Variants in AHR observed in about 807,000 individuals in gnomAD.
The protein encoded by AHR is AH-receptor.
Under a neutral mutation model 86.8 loss-of-function variants are expected in AHR, and 40 were observed. That is an observed-to-expected ratio of 0.46 (90% CI 0.36 to 0.60). The LOEUF (loss-of-function observed/expected upper bound fraction) is 0.60. Among genes scored for constraint, AHR ranks in the 20% least tolerant of loss-of-function variants. AHR has a pLI of 0.00. For synonymous variants in AHR, 398 were observed against 354.9 expected, an observed-to-expected ratio of 1.12 and a Z score of -1.37; for missense variants, 1,001 against 1,011.6, an observed-to-expected ratio of 0.99 and a Z score of 0.14.
intron 3 of AHR, among the ~76,000 whole-genome samples, chr7:17,323,101 G>T (rs1030524927): frequency 6.6e-6 from 1 of 152,022 alleles, no homozygotes; most frequent in African/African-American, 2.4e-5. Context: ...GTTAAGTAAT[G>T]CATGACTGTA....
chr7:17,332,434 G>GCCCC (rs1562480625), intron 6 of AHR, among the ~76,000 whole-genome samples: 1 of 151,746 alleles, frequency 6.6e-6, no homozygotes, highest in East Asian at 1.9e-4. Flanking sequence ...GCATGTTATT[G>GCCCC]CCCCCGCAGA....
chr7:17,324,875 G>A (rs551615415), intron 3 of AHR, among the ~76,000 whole-genome samples: 11 of 151,952 alleles, frequency 7.2e-5, no homozygotes, highest in African/African-American at 2.4e-4. Flanking sequence ...ATTTTACAAG[G>A]AATAAAAATG....
chr7:17,326,155 G>T (rs1441289097), intron 3 of AHR, among the ~76,000 whole-genome samples: 1 of 152,076 alleles, frequency 6.6e-6, no homozygotes, highest in African/African-American at 2.4e-5. Context: ...TTGTAAAACT[G>T]GAACATGGCA....
intron 2 of AHR, among the ~76,000 whole-genome samples, chr7:17,315,220 T>C (rs1408342884): frequency 6.6e-6 from 1 of 152,014 alleles, no homozygotes; most frequent in African/African-American, 2.4e-5. Context: ...TATTGTGACC[T>C]CTTTGGTTCA....
At chr7:17,308,602 A>T (rs2115352279) in intron 1 of AHR, among the ~76,000 whole-genome samples, 1 of 152,168 alleles carries the variant, frequency 6.6e-6, no homozygotes, top group South Asian at 2.1e-4. Context: ...TAAATGCAAT[A>T]TGATTAGGGG....
chr7:17,330,980 A>G, intron 6 of AHR, 94 bp downstream of exon 6: 1 of 1,364,470 alleles, frequency 7.3e-7, no homozygotes, highest in Non-Finnish European at 1.0e-6. Context: ...TCAGCAGAGA[A>G]CTATTCCCAA....
At chr7:17,317,155 C>T (rs186786666) in intron 2 of AHR, among the ~76,000 whole-genome samples, 6 of 111,938 alleles carry the variant, frequency 5.4e-5, no homozygotes, top group South Asian at 5.8e-4. Context: ...AGGGCCTTTA[C>T]GGACCTGGTA....
chr7:17,341,434 T>G (rs1183284727), intron 10 of AHR, among the ~76,000 whole-genome samples: 1 of 152,096 alleles, frequency 6.6e-6, no homozygotes, highest in Non-Finnish European at 1.5e-5. Flanking sequence ...GAATAAGGAG[T>G]TGCATGAGTA....
At chr7:17,338,178 G>A (rs981827453) in intron 9 of AHR, among the ~76,000 whole-genome samples, 10 of 144,590 alleles carry the variant, frequency 6.9e-5, no homozygotes, top group South Asian at 2.2e-4. Context: ...CAGCCTGGGC[G>A]ACAGAGCGAG....
chr7:17,333,775 A>T, intron 6 of AHR, 137 bp from the exon 7 acceptor site: 1 of 660,202 alleles, frequency 1.5e-6, no homozygotes, highest in East Asian at 2.7e-5. Context: ...AGTGAAGGAA[A>T]CTAACAGTTC....
In AHR at chr7:17,345,225, G is replaced by A. The variant is rs1389277680; in HGVS notation, c.*2161G>A. 6.6e-6 allele frequency: 1 copy of A among 151,240 alleles called. No homozygotes were observed. 9.4% of individuals were successfully genotyped at this position (151,240 alleles called of 1,614,324 possible). A position where few individuals can be genotyped will look rare whatever the true frequency, so the allele number is the denominator to read the frequency against. Reference sequence around the variant, plus strand: ...AGCTACTCAGGAGGCTGAGGCAGGAGAATAGCCTGAACCTGGGAATCGGAG... The same window carrying A: ...AGCTACTCAGGAGGCTGAGGCAGGAAAATAGCCTGAACCTGGGAATCGGAG... On this transcript the variant is annotated 3_prime_UTR_variant, in exon 11 of 11. Coordinates refer to ENST00000242057, the MANE Select transcript of AHR (RefSeq NM_001621.5).
At chr7:17,330,617 C>G (rs1353441895) in intron 5 of AHR, 139 bp from the exon 6 acceptor site, 2 of 669,716 alleles carry the variant, frequency 3.0e-6, no homozygotes, top group African/African-American at 1.8e-5. Context: ...AGTTTCTTGT[C>G]ATTAGCTCTT....
At chr7:17,327,691 G>A in intron 3 of AHR, 68 bp from the exon 4 acceptor site, 1 of 848,726 alleles carries the variant, frequency 1.2e-6, no homozygotes, top group Non-Finnish European at 1.8e-6. Context: ...AGAGATAAAA[G>A]TAATAACCTT....
intron 9 of AHR, among the ~76,000 whole-genome samples, chr7:17,338,091 C>T (rs189311131): frequency 0.018 from 2,690 of 149,684 alleles, 47 homozygotes; most frequent in Non-Finnish European, 0.024. Flanking sequence ...CCCAGCTACT[C>T]GGGAGGCTGA....
chr7:17,320,085 C>G (rs1782153413), intron 2 of AHR, among the ~76,000 whole-genome samples: 1 of 152,060 alleles, frequency 6.6e-6, no homozygotes, highest in Non-Finnish European at 1.5e-5. Context: ...ATCTATCATC[C>G]TTCCAACATT....
Position 17,343,183 on chromosome 7 carries a change from A to G in AHR, c.*119A>G. On this transcript the variant is annotated 3_prime_UTR_variant, in exon 11 of 11. Transcript: ENST00000242057. ...TCACATGGAGGCATTGATGCATGCT[A>G]TTCACAATTATTCCAAACCAAATTT... is the stretch of plus-strand genomic sequence containing the variant. The G allele has an allele frequency of 8.4e-7, 1 of 1,190,098 alleles. No homozygotes were observed. The highest frequency in any genetic ancestry group is 2.0e-4 in the Middle Eastern group (1 of 5,084). 73.7% of individuals were successfully genotyped at this position (1,190,098 alleles called of 1,614,324 possible). A position where few individuals can be genotyped will look rare whatever the true frequency, so the allele number is the denominator to read the frequency against.
At chr7:17,315,112 A>T (rs1782102416) in intron 2 of AHR, among the ~76,000 whole-genome samples, 1 of 151,968 alleles carries the variant, frequency 6.6e-6, no homozygotes, top group African/African-American at 2.4e-5. Context: ...TTAAAATTTT[A>T]ATTTATGGAA....
At chr7:17,320,684 A>G (rs1782159079) in intron 2 of AHR, among the ~76,000 whole-genome samples, 1 of 152,104 alleles carries the variant, frequency 6.6e-6, no homozygotes, top group Non-Finnish European at 1.5e-5. Flanking sequence ...ATTAGTAAGC[A>G]AGCAACAACA....
At position 17,335,671 on chromosome 7, in the gene AHR, A is replaced by G; in HGVS notation, c.1045A>G (p.Ile349Val). The stretch of plus-strand genomic sequence containing the variant: ...GATTAAGACTGGAGAAAGTGGCATG[A>G]TAGTTTTCCGGCTTCTTACAAAAAA... Reference protein sequence around the residue: ...RMIKTGESGMIVFRLLTKNNR... With the variant: ...RMIKTGESGMVVFRLLTKNNR... The change falls in exon 9 of 11, where the codon ATA (isoleucine) becomes GTA (valine). Residue 349 changes from isoleucine (I) to valine (V), a missense_variant. Ile to Val is a conservative substitution (Grantham distance 29). Transcript: ENST00000242057. 6.3e-7 allele frequency: 1 copy of G among 1,583,368 alleles called. No homozygotes were observed. Among genetic ancestry groups the G allele is most frequent in the South Asian group, 1.1e-5 (1 of 87,342 alleles).
Sources: allele counts gnomAD v4.1 joint callset (sites outside exome capture counted in the v4.1 genomes callset), GRCh38; gene constraint gnomAD v4.1.1; transcripts MANE v1.5; gene names NCBI Gene and HGNC (gene_info 2026-07-23, HGNC 2026-07-21).